KIF6: variants seen among roughly 807,000 people sequenced by gnomAD.
KIF6 encodes the protein kinesin-like protein KIF6.
Under a neutral mutation model 112.7 loss-of-function variants are expected in KIF6, and 106 were observed. That is an observed-to-expected ratio of 0.94 (90% CI 0.80 to 1.11). The LOEUF is 1.11. Ranked by LOEUF, KIF6 falls within the 50% of genes least tolerant of loss-of-function variation. The pLI is 0.00. For synonymous variants in KIF6, 339 were observed against 339.9 expected (o/e 1.00, Z 0.03); for missense variants, 929 against 964.0 (o/e 0.96, Z 0.48).
chr6:39,403,315 C>G (rs1332253755), intron 15 of KIF6, among the ~76,000 whole-genome samples: 1 of 152,184 alleles, frequency 6.6e-6, no homozygotes, highest in African/African-American at 2.4e-5. Flanking sequence ...GACTCCCTCA[C>G]AAGGCCATGT....
intron 16 of KIF6, among the ~76,000 whole-genome samples, chr6:39,385,091 G>A (rs1017535641): frequency 6.6e-6 from 1 of 152,170 alleles, no homozygotes; most frequent in Non-Finnish European, 1.5e-5. Flanking sequence ...AACAGAACTG[G>A]GTTCAAATAC....
intron 6 of KIF6, among the ~76,000 whole-genome samples, chr6:39,609,642 T>G (rs1375322168): frequency 6.6e-6 from 1 of 152,176 alleles, no homozygotes; most frequent in Non-Finnish European, 1.5e-5. Context: ...TATAAAAGTA[T>G]TTGGTAATCA....
At chr6:39,457,127 T>C (rs1284996158) in intron 13 of KIF6, among the ~76,000 whole-genome samples, 1 of 149,694 alleles carries the variant, frequency 6.7e-6, no homozygotes, top group Admixed American at 6.7e-5. Flanking sequence ...GAAGTAAAAC[T>C]CTCCTCAGCA....
intron 1 of KIF6, among the ~76,000 whole-genome samples, chr6:39,723,547 T>C (rs1022926299): frequency 6.6e-6 from 1 of 152,184 alleles, no homozygotes; most frequent in Non-Finnish European, 1.5e-5. Flanking sequence ...ATATACACCA[T>C]GGAATACTAT....
At chr6:39,368,231 G>A (rs2150278002) in intron 16 of KIF6, among the ~76,000 whole-genome samples, 1 of 152,312 alleles carries the variant, frequency 6.6e-6, no homozygotes, top group African/African-American at 2.4e-5. Flanking sequence ...CCTTGTAGGT[G>A]CTTGATAAAA....
At chr6:39,404,813 C>T (rs1768969979) in intron 15 of KIF6, among the ~76,000 whole-genome samples, 1 of 151,776 alleles carries the variant, frequency 6.6e-6, no homozygotes, top group Admixed American at 6.6e-5. Context: ...ATTTTTTTGC[C>T]TCCATTTATT....
chr6:39,355,338 T>C (rs760110530), intron 19 of KIF6, among the ~76,000 whole-genome samples: 1 of 152,026 alleles, frequency 6.6e-6, no homozygotes, highest in Non-Finnish European at 1.5e-5. Flanking sequence ...TCCAAAAAGT[T>C]AGAATACAGG....
chr6:39,330,370 C>T lies in KIF6; in HGVS notation c.*6162G>A, dbSNP rs1208465005. On this transcript the variant is annotated 3_prime_UTR_variant, in exon 23 of 23. Coordinates refer to ENST00000287152, the MANE Select transcript of KIF6 (RefSeq NM_145027.6). ...TGTTGGTCATGGCTGGTCCCAGCAC[C>T]AGAGGGAGACTTAGAAAGTTTTTAG... 1 of 152,208 alleles carries T rather than the reference C, an allele frequency of 6.6e-6. No individual in the cohort carries two copies. Among genetic ancestry groups the T allele is most frequent in the East Asian group, 1.9e-4 (1 of 5,200 alleles). 9.4% of individuals were successfully genotyped at this position (152,208 alleles called of 1,614,324 possible).
chr6:39,489,823 GTCT>G (rs1202583939), intron 13 of KIF6, among the ~76,000 whole-genome samples: 1 of 152,142 alleles, frequency 6.6e-6, no homozygotes, highest in African/African-American at 2.4e-5. Flanking sequence ...AAAAATTAAG[GTCT>G]TCTTTAGAGC....
chr6:39,556,039 G>C (rs1779693386), intron 10 of KIF6, among the ~76,000 whole-genome samples: 1 of 151,638 alleles, frequency 6.6e-6, no homozygotes, highest in Non-Finnish European at 1.5e-5. Context: ...GCAGCAAAAG[G>C]AAATTGTAAT....
At chr6:39,465,903 T>G (rs149495239) in intron 13 of KIF6, among the ~76,000 whole-genome samples, 1 of 152,332 alleles carries the variant, frequency 6.6e-6, no homozygotes, top group Non-Finnish European at 1.5e-5. Context: ...TTTGATGAAT[T>G]TACTTCAATA....
intron 5 of KIF6, among the ~76,000 whole-genome samples, chr6:39,631,706 T>G (rs1451296987): frequency 9.1e-6 from 1 of 110,246 alleles, no homozygotes; most frequent in Non-Finnish European, 2.1e-5. Context: ...CAGTCTGTAG[T>G]TTTTTTTTTT....
intron 16 of KIF6, among the ~76,000 whole-genome samples, chr6:39,365,343 G>C (rs1228309138): frequency 6.6e-6 from 1 of 152,164 alleles, no homozygotes; most frequent in Non-Finnish European, 1.5e-5. Context: ...ATCTGTGTTG[G>C]TGCAATTTAT....
In KIF6 at chr6:39,336,468, G is replaced by A; in HGVS notation, c.*64C>T. ...CTTCTGAAGCCAGAGCAAGTGAGGG[G>A]CGCTGCCTTCATCTGTGCTTCATTC... On this transcript the variant is annotated 3_prime_UTR_variant, in exon 23 of 23. Coordinates refer to ENST00000287152, the MANE Select transcript of KIF6 (RefSeq NM_145027.6). 6.6e-7 allele frequency: 1 copy of A among 1,517,368 alleles called. No individual in the cohort carries two copies. Among genetic ancestry groups the A allele is most frequent in the East Asian group, 2.3e-5 (1 of 44,372 alleles). 94.0% of individuals were successfully genotyped at this position (1,517,368 alleles called of 1,614,324 possible). A position where few individuals can be genotyped will look rare whatever the true frequency, so the allele number is the denominator to read the frequency against.
At chr6:39,609,657 G>A (rs1783102815) in intron 6 of KIF6, among the ~76,000 whole-genome samples, 1 of 152,290 alleles carries the variant, frequency 6.6e-6, no homozygotes, top group South Asian at 2.1e-4. Context: ...TAATCAAAAT[G>A]CAAATTAAAA....
intron 2 of KIF6, chr6:39,715,054 C>T: frequency 3.9e-6 from 1 of 258,432 alleles, no homozygotes; most frequent in South Asian, 7.2e-5. Context: ...TTTTAGCTCT[C>T]AAGAGGGACA....
chr6:39,537,742 A>G (rs1778529473), intron 13 of KIF6, among the ~76,000 whole-genome samples: 1 of 152,230 alleles, frequency 6.6e-6, no homozygotes, highest in South Asian at 2.1e-4. Context: ...GAACCAAAAA[A>G]GAGCCCGCAT....
At chr6:39,724,839 C>T (rs953211364) in intron 1 of KIF6, among the ~76,000 whole-genome samples, 1 of 152,124 alleles carries the variant, frequency 6.6e-6, no homozygotes, top group Non-Finnish European at 1.5e-5. Context: ...TGCCCGAGTG[C>T]CAAAATGTAC....
chr6:39,700,599 C>T (rs1364942905), intron 3 of KIF6, among the ~76,000 whole-genome samples: 1 of 152,168 alleles, frequency 6.6e-6, no homozygotes, highest in Non-Finnish European at 1.5e-5. Flanking sequence ...AAAACACCTG[C>T]TTATGCATTC....
Sources: gnomAD v4.1 joint callset for allele counts (sites outside exome capture counted in the v4.1 genomes callset) on GRCh38, gnomAD v4.1.1 for gene constraint, MANE v1.5 for transcripts, NCBI Gene and HGNC (gene_info 2026-07-23, HGNC 2026-07-21) for gene names.